TRIM66: variants seen among roughly 807,000 people sequenced by gnomAD.
The protein encoded by TRIM66 is tripartite motif-containing protein 66.
A neutral mutation model predicts 148.2 loss-of-function variants in TRIM66; 99 were observed. The observed-to-expected ratio is 0.67, with a 90% confidence interval of 0.57 to 0.79. TRIM66 has a LOEUF of 0.79. Ranked by LOEUF, TRIM66 falls within the 30% of genes least tolerant of loss-of-function variation. The probability of loss-of-function intolerance (pLI) is 0.00; values close to 1 mark genes in which losing one functional copy is unlikely to be tolerated. For synonymous variants in TRIM66, 616 were observed against 635.9 expected (o/e 0.97, Z 0.47); for missense variants, 1,666 against 1,697.9 (o/e 0.98, Z 0.33).
chr11:8,680,850 A>C (rs913701023), intron 1 of TRIM66: 4 of 152,414 alleles, frequency 2.6e-5, no homozygotes, highest in Admixed American at 6.5e-5. Flanking sequence ...CCTGAAAAGA[A>C]GACTGAAAAG....
rs1220105164 is a variant in TRIM66 at position 8,640,724 on chromosome 11, G to A, written c.1651C>T (p.Leu551=). The part of the protein sequence containing the change: ...ESTSQRLGQQ[L]TSQPVCIVPP... ...ACAATGCACACGGGCTGGGAAGTCA[G>A]CTGCTGCCCCAGCCGCTGGGATGTG... Residue 551 remains leucine (L), a synonymous_variant, in exon 14 of 25, where the codon CTG becomes TTG. Transcript: ENST00000646038. 1 of 1,551,416 alleles carries A rather than the reference G, an allele frequency of 6.4e-7. No homozygotes were observed. Among genetic ancestry groups the A allele is most frequent in the Non-Finnish European group, 8.7e-7 (1 of 1,146,990 alleles).
intron 1 of TRIM66, chr11:8,680,775 A>G (rs2039376551): frequency 1.3e-5 from 2 of 152,210 alleles, no homozygotes; most frequent in Admixed American, 1.3e-4. Flanking sequence ...GTGAAAAGAT[A>G]AGGACAAGGA....
At chr11:8,667,678 G>T (rs573294499) in intron 6 of TRIM66, among the ~76,000 whole-genome samples, 1 of 152,306 alleles carries the variant, frequency 6.6e-6, no homozygotes, top group African/African-American at 2.4e-5. Flanking sequence ...GCCCTGTTAT[G>T]ACAGGCTTAC....
At chr11:8,676,805 T>C (rs1345033069) in intron 3 of TRIM66, among the ~76,000 whole-genome samples, 2 of 152,164 alleles carry the variant, frequency 1.3e-5, no homozygotes, top group Non-Finnish European at 2.9e-5. Flanking sequence ...TTTGCAAGAC[T>C]GTACTTAAGC....
intron 15 of TRIM66, among the ~76,000 whole-genome samples, chr11:8,626,437 C>T (rs2034853810): frequency 6.6e-6 from 1 of 152,174 alleles, no homozygotes. Context: ...TGAACACTGT[C>T]CTCATCTCAG....
In TRIM66 at chr11:8,620,456, T is replaced by C. The variant is rs150122555; in HGVS notation, c.3662A>G (p.Tyr1221Cys). 4,365 of 1,551,754 alleles carry C rather than the reference T, an allele frequency of 2.8e-3. 16 individuals carry two copies. The highest frequency in any genetic ancestry group is 5.9e-3 in the South Asian group (500 of 84,064). ...GMRASPGLSMYDQKKCEKLVL... is the reference protein window; with the variant it reads ...GMRASPGLSMCDQKKCEKLVL... ...AAGACTCCTCCCTACCTTCTGGTCA[T>C]ACATGCTTAGGCCAGGAGATGCCCG... The change falls in exon 21 of 25, where the codon TAT (tyrosine) becomes TGT (cysteine). Residue 1221 changes from tyrosine to cysteine, a missense_variant. This residue lies in a region of TRIM66 where 204 missense variants were observed against 231.0 expected (regional missense o/e 0.88). Transcript: ENST00000646038.
At chr11:8,666,163 C>A (rs7110529) in intron 6 of TRIM66, among the ~76,000 whole-genome samples, 1 of 150,264 alleles carries the variant, frequency 6.7e-6, no homozygotes, top group East Asian at 2.0e-4. Flanking sequence ...ATGGCGAAAC[C>A]CCATCTCTAC....
At chr11:8,618,062 A>C in intron 24 of TRIM66, 59 bp from the exon 25 acceptor site, 1 of 1,483,724 alleles carries the variant, frequency 6.7e-7, no homozygotes. Context: ...TATTAACATG[A>C]AAAGGCTATG....
At chr11:8,660,369 A>C (rs1250161876) in intron 6 of TRIM66, among the ~76,000 whole-genome samples, 1 of 151,906 alleles carries the variant, frequency 6.6e-6, no homozygotes, top group East Asian at 1.9e-4. Context: ...CATTTTTCTG[A>C]CTCTGCCTGG....
At chr11:8,621,553 A>G in intron 19 of TRIM66, 92 bp downstream of exon 19, 2 of 1,419,682 alleles carry the variant, frequency 1.4e-6, no homozygotes, top group Non-Finnish European at 1.9e-6. Flanking sequence ...GAGACTCAGG[A>G]AAGGTCCCAG....
intron 6 of TRIM66, among the ~76,000 whole-genome samples, chr11:8,670,622 AC>A (rs1476612735): frequency 6.6e-6 from 1 of 152,250 alleles, no homozygotes; most frequent in Non-Finnish European, 1.5e-5. Context: ...GCCAATATTA[AC>A]AAAATTTGTA....
rs935504121 is a variant in TRIM66, at chr11:8,640,749, G to A, written c.1626C>T (p.Ser542=). The stretch of plus-strand genomic sequence containing the variant: ...GCTGCTGCCCCAGCCGCTGGGATGT[G>A]CTCTCCTGCTCCACGGGGGGCTGGG... ...LETQPPVEQE[S]TSQRLGQQLT... The change falls in exon 14 of 25, where the codon AGC becomes AGT. Residue 542 remains serine (S), a synonymous_variant. Transcript: ENST00000646038. 2.5e-5 allele frequency: 39 copies of A among 1,551,318 alleles called. No homozygotes were observed. The highest frequency in any genetic ancestry group is 3.4e-5 in the Non-Finnish European group (39 of 1,147,006).
intron 10 of TRIM66, among the ~76,000 whole-genome samples, chr11:8,647,028 T>C (rs949868740): frequency 6.7e-6 from 1 of 149,572 alleles, no homozygotes; most frequent in African/African-American, 2.4e-5. Context: ...TAACATATTA[T>C]ATAATAAACA....
chr11:8,664,118 A>T (rs1381882011), intron 6 of TRIM66, among the ~76,000 whole-genome samples: 1 of 152,168 alleles, frequency 6.6e-6, no homozygotes, highest in Non-Finnish European at 1.5e-5. Context: ...ATGCCAAGAG[A>T]GTAGATGTAA....
In TRIM66 at chr11:8,641,041, T is replaced by C; in HGVS notation, c.1334A>G (p.Gln445Arg). 6.4e-7 allele frequency: 1 copy of C among 1,551,658 alleles called. No individual in the cohort carries two copies. The highest frequency in any genetic ancestry group is 8.7e-7 in the Non-Finnish European group (1 of 1,146,982). Residue 445 changes from glutamine to arginine, a missense_variant, in exon 14 of 25, where the codon CAA becomes CGA. Around this residue, in one of 3 missense-constraint regions of TRIM66, gnomAD observed 1,431 missense variants for 1,412.4 expected, o/e 1.01. Coordinates refer to ENST00000646038, the MANE Select transcript of TRIM66 (RefSeq NM_001388022.1). ...GTGTGAGGGGTGGCTAAGAGCCTCTTGCTGAGCCACTGGAGACTGGTGGCT... is the reference window on the plus strand; with the variant it reads ...GTGTGAGGGGTGGCTAAGAGCCTCTCGCTGAGCCACTGGAGACTGGTGGCT... ...YQSHQSPVAQ[Q>R]EALSHPSHKF...
rs181191937 is a variant in TRIM66 at position 8,640,112 on chromosome 11, C to A, written c.2148+115G>T. ...TGAAATGTGAGGGCTGAGCTCAAGG[C>A]AGCCCTAAGGTGCAGAAACTGTATT... On this transcript the variant is annotated intron_variant, in intron 14 of 24. Transcript: ENST00000646038. The A allele has an allele frequency of 1.8e-4, 190 of 1,054,958 alleles. No individual in the cohort carries two copies. The East Asian group carries it at 4.1e-3, about 23-fold the overall frequency. 65.3% of individuals were successfully genotyped at this position (1,054,958 alleles called of 1,614,324 possible).
intron 13 of TRIM66, among the ~76,000 whole-genome samples, chr11:8,641,393 G>C (rs542973387): frequency 5.9e-5 from 9 of 152,222 alleles, no homozygotes; most frequent in African/African-American, 2.2e-4. Flanking sequence ...CAGATGCTCA[G>C]CCCTGACTCT....
At chr11:8,638,854 A>G in intron 14 of TRIM66, 39 bp from the exon 15 acceptor site, 3 of 1,542,308 alleles carry the variant, frequency 1.9e-6, no homozygotes, top group Non-Finnish European at 2.6e-6. Context: ...GTTTTACTGC[A>G]GACAGCGTAG....
chr11:8,652,478 T>A (rs994142801), intron 6 of TRIM66, among the ~76,000 whole-genome samples: 1 of 152,152 alleles, frequency 6.6e-6, no homozygotes, highest in African/African-American at 2.4e-5. Flanking sequence ...CTCAGAGGTC[T>A]TTTGGAGGGC....
Sources: allele counts gnomAD v4.1 joint callset (sites outside exome capture counted in the v4.1 genomes callset), GRCh38; gene constraint gnomAD v4.1.1; regional missense constraint gnomAD v4.1.1; transcripts MANE v1.5; gene names NCBI Gene and HGNC (gene_info 2026-07-23, HGNC 2026-07-21).